ZEB2: variants seen among roughly 807,000 people sequenced by gnomAD.
The protein encoded by ZEB2 is zinc finger E-box-binding homeobox 2.
In ZEB2, 6 loss-of-function variants were observed where a neutral mutation model predicts 99.9. The ratio of observed to expected loss-of-function variants is 0.06; its 90% CI spans 0.03 to 0.12. The LOEUF (loss-of-function observed/expected upper bound fraction) is 0.12. ZEB2 is among the 10% of genes least tolerant of loss of function. The pLI, the probability that ZEB2 is intolerant of heterozygous loss-of-function variation, is 1.00. For synonymous variants in ZEB2, 517 were observed against 542.5 expected (o/e 0.95, Z 0.65); for missense variants, 969 against 1,502.8 (o/e 0.64, Z 5.87).
chr2:144,476,109 T>G (rs1704426374), intron 2 of ZEB2, among the ~76,000 whole-genome samples: 1 of 152,212 alleles, frequency 6.6e-6, no homozygotes, highest in Admixed American at 6.5e-5. Context: ...ACTGCTCCTG[T>G]GTACTAATAT....
At chr2:144,450,717 C>A (rs999145995) in intron 2 of ZEB2, among the ~76,000 whole-genome samples, 2 of 152,124 alleles carry the variant, frequency 1.3e-5, no homozygotes, top group South Asian at 4.1e-4. Context: ...ACTCAGTCAC[C>A]CAGGCTGGAG....
intron 2 of ZEB2, among the ~76,000 whole-genome samples, chr2:144,492,886 GC>G (rs1253322359): frequency 9.9e-5 from 15 of 152,090 alleles, no homozygotes; most frequent in Non-Finnish European, 4.4e-5. Flanking sequence ...TTATACCTTT[GC>G]TTTAACGAAA....
intron 4 of ZEB2, among the ~76,000 whole-genome samples, chr2:144,419,159 G>A (rs1703584761): frequency 6.6e-6 from 1 of 152,172 alleles, no homozygotes; most frequent in Admixed American, 6.5e-5. Flanking sequence ...TAAAATTCAA[G>A]TGTAGGTAAT....
chr2:144,398,490 T>C lies in ZEB2; in HGVS notation c.2697A>G (p.Pro899=), dbSNP rs190360521. Residue 899 remains proline (P), a synonymous_variant, in exon 8 of 10, where the codon CCA becomes CCG. Transcript: ENST00000627532. ...FSAKPLYTAL[P]PQSAFPPATF... ...TAGCAGGGGGAAATGCGCTTTGAGG[T>C]GGAAGAGCTGTGTATAAAGGTTTGG... 2 of 1,614,032 alleles carry C rather than the reference T, an allele frequency of 1.2e-6. No homozygotes were observed. The highest frequency in any genetic ancestry group is 2.7e-5 in the African/African-American group (2 of 75,016).
chr2:144,452,980 A>ATT (rs11408751), intron 2 of ZEB2, among the ~76,000 whole-genome samples: 33 of 151,212 alleles, frequency 2.2e-4, no homozygotes, highest in African/African-American at 6.8e-4. Flanking sequence ...AAGGGAATTC[A>ATT]TTTTTTTTTA....
chr2:144,515,550 G>T (rs1056234436), intron 2 of ZEB2, among the ~76,000 whole-genome samples: 2 of 151,216 alleles, frequency 1.3e-5, no homozygotes, highest in Non-Finnish European at 2.9e-5. Context: ...GAGAGGGAGA[G>T]ACTTAAAAAG....
chr2:144,447,015 CA>C (rs200426124), intron 2 of ZEB2, among the ~76,000 whole-genome samples: 2,221 of 74,436 alleles, frequency 0.03, 22 homozygotes, highest in East Asian at 0.064. Context: ...GACACTGTTT[CA>C]AAAAAAAAAA....
intron 2 of ZEB2, among the ~76,000 whole-genome samples, chr2:144,456,327 T>C (rs1352218325): frequency 1.3e-5 from 2 of 152,278 alleles, no homozygotes; most frequent in East Asian, 1.9e-4. Flanking sequence ...TACAGTTGAG[T>C]GGATATAAGG....
rs757848627 is a variant in ZEB2 at position 144,424,758 on chromosome 2, AG to A, written c.403+37del. 6 of 1,612,778 alleles carry A rather than the reference AG, an allele frequency of 3.7e-6. No individual in the cohort carries two copies. The South Asian group carries it at 6.6e-5, about 18-fold the overall frequency. On this transcript the variant is annotated intron_variant, in intron 4 of 9. Coordinates refer to ENST00000627532, the MANE Select transcript of ZEB2 (RefSeq NM_014795.4). ...CTGCCTCACTAAACCCACATGACAC[AG>A]GACAAATGTGATCTGAGCGTGGCCA...
rs1407069297 is a variant in ZEB2, at chr2:144,497,938, ATAT to A, written c.73+19337_73+19339del. On this transcript the variant is annotated intron_variant, in intron 2 of 9. Transcript: ENST00000627532. ...ATTATATATTATATAATATATATTA[ATAT>A]TATATATTATATAATATATATTAAT... Among the ~76,000 whole-genome samples, 61 of 62,034 alleles carry A rather than the reference ATAT, an allele frequency of 9.8e-4. 5 individuals are homozygous for A. Among genetic ancestry groups the A allele is most frequent in the African/African-American group, 4.4e-3 (55 of 12,516 alleles). The allele number at this position is 62,034 out of a possible 152,430, so 40.7% of individuals were successfully genotyped here. A position where few individuals can be genotyped will look rare whatever the true frequency, so the allele number is the denominator to read the frequency against.
intron 2 of ZEB2, chr2:144,511,613 A>G: frequency 7.8e-7 from 1 of 1,286,456 alleles, no homozygotes; most frequent in Non-Finnish European, 1.0e-6. Flanking sequence ...CACAGCCCAA[A>G]TAGTCATTCA....
At chr2:144,467,684 T>C (rs1440567109) in intron 2 of ZEB2, among the ~76,000 whole-genome samples, 3 of 152,158 alleles carry the variant, frequency 2.0e-5, no homozygotes, top group Admixed American at 6.5e-5. Flanking sequence ...ATACAGTATC[T>C]ACCACAGGCA....
At chr2:144,501,990 G>A (rs1418524907) in intron 2 of ZEB2, among the ~76,000 whole-genome samples, 2 of 152,188 alleles carry the variant, frequency 1.3e-5, no homozygotes, top group Non-Finnish European at 2.9e-5. Flanking sequence ...TTCTGGCTGT[G>A]GGAATTATTT....
At chr2:144,403,809 T>C (rs1703345170) in intron 6 of ZEB2, 107 bp downstream of exon 6, 4 of 1,414,344 alleles carry the variant, frequency 2.8e-6, no homozygotes, top group South Asian at 1.2e-5. Flanking sequence ...TTAAAAGATC[T>C]GCATCTTCAA....
intron 2 of ZEB2, among the ~76,000 whole-genome samples, chr2:144,458,818 C>T (rs1704155127): frequency 6.6e-6 from 1 of 152,168 alleles, no homozygotes; most frequent in Non-Finnish European, 1.5e-5. Context: ...ATTTAAACAT[C>T]CAGGTGGAAA....
At chr2:144,511,928 G>A in intron 2 of ZEB2, 2 of 1,287,146 alleles carry the variant, frequency 1.6e-6, no homozygotes, top group South Asian at 2.5e-5. Context: ...ATCTGCTTTT[G>A]TGGTGACATT....
rs80093143 is a variant in ZEB2 at position 144,391,933 on chromosome 2, T to C, written c.3068-1905A>G. 7.4e-4 allele frequency among the ~76,000 whole-genome samples: 112 copies of C among 152,374 alleles called. 2 individuals are homozygous for C. The East Asian group carries it at 0.017, about 23-fold the overall frequency. ...GAAGATCATTTGGGGACCTAACTCA[T>C]GGACTGGGCATAAAGAATAAGGAAG... is the stretch of plus-strand genomic sequence containing the variant. On this transcript the variant is annotated intron_variant, in intron 9 of 9. Coordinates refer to ENST00000627532, the MANE Select transcript of ZEB2 (RefSeq NM_014795.4).
chr2:144,478,943 A>G (rs553579232), intron 2 of ZEB2, among the ~76,000 whole-genome samples: 28 of 152,344 alleles, frequency 1.8e-4, no homozygotes, highest in African/African-American at 6.7e-4. Context: ...TGAAGAACCC[A>G]AAGGCAACTT....
intron 2 of ZEB2, among the ~76,000 whole-genome samples, chr2:144,487,095 C>A (rs2149917162): frequency 6.6e-6 from 1 of 152,166 alleles, no homozygotes; most frequent in South Asian, 2.1e-4. Flanking sequence ...CACACTTCTC[C>A]CAAATTCAAC....
Sources: allele counts gnomAD v4.1 joint callset (sites outside exome capture counted in the v4.1 genomes callset), GRCh38; gene constraint gnomAD v4.1.1; transcripts MANE v1.5; gene names NCBI Gene and HGNC (gene_info 2026-07-23, HGNC 2026-07-21).